LRRC8C: variants seen among roughly 807,000 people sequenced by gnomAD.
LRRC8C encodes volume-regulated anion channel subunit LRRC8C.
Under a neutral mutation model 55.3 loss-of-function variants are expected in LRRC8C, and 20 were observed. The ratio of observed to expected loss-of-function variants is 0.36; its 90% CI spans 0.25 to 0.53. LRRC8C has a LOEUF of 0.53. LRRC8C is among the 20% of genes least tolerant of loss of function. LRRC8C has a pLI of 0.92. For synonymous variants in LRRC8C, 376 were observed against 360.7 expected, an observed-to-expected ratio of 1.04 and a Z score of -0.48; for missense variants, 659 against 951.4, an observed-to-expected ratio of 0.69 and a Z score of 4.04.
chr1:89,695,755 A>G (rs535691219), intron 2 of LRRC8C, among the ~76,000 whole-genome samples: 31 of 152,358 alleles, frequency 2.0e-4, no homozygotes, highest in African/African-American at 5.5e-4. Flanking sequence ...AGTTAATTTA[A>G]AGAGAAAAAA....
the LRRC8C span, among the ~76,000 whole-genome samples, chr1:89,617,157 G>A: frequency 6.6e-6 from 1 of 152,166 alleles, no homozygotes; most frequent in Admixed American, 6.5e-5. Flanking sequence ...AGACAGAGCA[G>A]AGAAATCCAA....
At position 89,673,936 on chromosome 1, in the gene LRRC8C, G is replaced by A. The variant is rs1208219020; in HGVS notation, c.-4-12534G>A. ...AAGTGGTGCTAGAACCTGGGTCTGC[G>A]GTATGCATAGGAGTTAACAAAGCAA... On this transcript the variant is annotated intron_variant, in intron 1 of 2. Coordinates refer to ENST00000370454, the MANE Select transcript of LRRC8C (RefSeq NM_032270.5). Among the ~76,000 whole-genome samples, 8 of 152,162 alleles carry A rather than the reference G, an allele frequency of 5.3e-5. No homozygotes were observed. The East Asian group carries it at 5.8e-4, about 11-fold the overall frequency.
intron 1 of LRRC8C, among the ~76,000 whole-genome samples, chr1:89,646,713 C>T (rs950437739): frequency 1.3e-5 from 2 of 152,080 alleles, no homozygotes; most frequent in Admixed American, 1.3e-4. Context: ...ATTATATCTT[C>T]TCTCATCACT....
At chr1:89,632,621 G>T (rs1423826774), upstream of LRRC8C, 2 of 152,342 alleles carry the variant, frequency 1.3e-5, no homozygotes, top group African/African-American at 4.8e-5. Context: ...TCCCAGAAGG[G>T]CTATTTTTAG....
chr1:89,659,900 TGGG>T (rs1337386668), intron 1 of LRRC8C, among the ~76,000 whole-genome samples: 4 of 152,170 alleles, frequency 2.6e-5, no homozygotes, highest in African/African-American at 9.6e-5. Flanking sequence ...ATTTACAGTG[TGGG>T]AATGGAGATA....
At chr1:89,624,929 A>G in the LRRC8C span, 1 of 152,224 alleles carries the variant, frequency 6.6e-6, no homozygotes, top group East Asian at 1.9e-4. Context: ...TTCAAGGAAG[A>G]TATACTACTT....
the LRRC8C span, among the ~76,000 whole-genome samples, chr1:89,617,651 GCA>G: frequency 2.6e-5 from 4 of 152,232 alleles, no homozygotes; most frequent in South Asian, 6.2e-4. Flanking sequence ...ACCAGAATTG[GCA>G]CAGATTAAGG....
intron 1 of LRRC8C, among the ~76,000 whole-genome samples, chr1:89,652,274 T>C (rs10493829): frequency 0.55 from 83,801 of 151,880 alleles, 23,465 homozygotes; most frequent in East Asian, 0.79. Flanking sequence ...ATGAAAGGAA[T>C]TGAGATATTG....
chr1:89,697,850 A>AC (rs1553167404), intron 2 of LRRC8C, among the ~76,000 whole-genome samples: 126 of 152,286 alleles, frequency 8.3e-4, no homozygotes, highest in African/African-American at 2.7e-3. Flanking sequence ...GGGAAAAAAA[A>AC]CAATGTGGAT....
At chr1:89,696,050 T>G (rs1462877373) in intron 2 of LRRC8C, among the ~76,000 whole-genome samples, 1 of 152,198 alleles carries the variant, frequency 6.6e-6, no homozygotes, top group African/African-American at 2.4e-5. Context: ...TTCTCTTCAT[T>G]TGGGGCATCT....
rs1443084569 is a variant in LRRC8C, at chr1:89,717,479, C to A, written c.*2497C>A. ...TTTTTTAGTGATTTTGCAGGCTGAC[C>A]CCCAACCTAAGTTTTGATAACATCT... On this transcript the variant is annotated 3_prime_UTR_variant, in exon 3 of 3. Transcript: ENST00000370454. 6.6e-6 allele frequency: 1 copy of A among 151,842 alleles called. No individual in the cohort carries two copies. The highest frequency in any genetic ancestry group is 1.5e-5 in the Non-Finnish European group (1 of 67,954). 9.4% of individuals were successfully genotyped at this position (151,842 alleles called of 1,614,324 possible). A position where few individuals can be genotyped will look rare whatever the true frequency, so the allele number is the denominator to read the frequency against.
At chr1:89,637,086 A>G (rs1011382115) in intron 1 of LRRC8C, among the ~76,000 whole-genome samples, 2 of 152,142 alleles carry the variant, frequency 1.3e-5, no homozygotes, top group Admixed American at 6.5e-5. Context: ...TTTAACTGGT[A>G]TTACATTTGC....
intron 2 of LRRC8C, among the ~76,000 whole-genome samples, chr1:89,694,174 A>G (rs1256010264): frequency 2.0e-5 from 3 of 151,950 alleles, no homozygotes; most frequent in Non-Finnish European, 1.5e-5. Context: ...CCTTCTTTTT[A>G]TGGTGGTTTA....
chr1:89,669,083 A>G (rs1657346846), intron 1 of LRRC8C, among the ~76,000 whole-genome samples: 2 of 152,232 alleles, frequency 1.3e-5, no homozygotes, highest in South Asian at 4.1e-4. Flanking sequence ...AATGTAGTAT[A>G]TACACACAAT....
chr1:89,643,176 C>T (rs1656516427), intron 1 of LRRC8C, among the ~76,000 whole-genome samples: 2 of 152,226 alleles, frequency 1.3e-5, no homozygotes, highest in Admixed American at 1.3e-4. Context: ...ACTACAACCT[C>T]TACCTCTGAG....
At chr1:89,699,060 A>G (rs1298630807) in intron 2 of LRRC8C, among the ~76,000 whole-genome samples, 2 of 152,010 alleles carry the variant, frequency 1.3e-5, no homozygotes, top group South Asian at 4.1e-4. Flanking sequence ...AAAATAAAAA[A>G]TAAACGGTCA....
intron 2 of LRRC8C, among the ~76,000 whole-genome samples, chr1:89,693,646 C>CTTTTTTTTTT (rs35427989): frequency 4.8e-5 from 4 of 82,704 alleles, no homozygotes; most frequent in East Asian, 2.5e-4. Flanking sequence ...TCTTTTCTTC[C>CTTTTTTTTTT]TTTTTTTTTT....
intron 2 of LRRC8C, among the ~76,000 whole-genome samples, chr1:89,704,749 C>T (rs1047556455): frequency 5.6e-4 from 85 of 151,980 alleles, no homozygotes; most frequent in Non-Finnish European, 5.3e-4. Context: ...GTTAGAATGG[C>T]GATCATTAAA....
chr1:89,639,759 A>G lies in LRRC8C; in HGVS notation c.-5+6437A>G, dbSNP rs576191015. 5.9e-5 allele frequency among the ~76,000 whole-genome samples: 9 copies of G among 152,362 alleles called. No individual in the cohort carries two copies. In the South Asian group the frequency reaches 1.2e-3, roughly 21 times the overall value. On this transcript the variant is annotated intron_variant, in intron 1 of 2. Coordinates refer to ENST00000370454, the MANE Select transcript of LRRC8C (RefSeq NM_032270.5). ...TGCTCAATAAATAATCATGTTATAA[A>G]TATTTAATGACATAATTTACAGTAA... is the stretch of plus-strand genomic sequence containing the variant.
Sources: gnomAD v4.1 joint callset for allele counts (sites outside exome capture counted in the v4.1 genomes callset) on GRCh38, gnomAD v4.1.1 for gene constraint, MANE v1.5 for transcripts, NCBI Gene and HGNC (gene_info 2026-07-23, HGNC 2026-07-21) for gene names.